FGF14: variants seen among roughly 807,000 people sequenced by gnomAD.
FGF14 encodes fibroblast growth factor 14.
In FGF14, 5 loss-of-function variants were observed where a neutral mutation model predicts 25.5. That is an observed-to-expected ratio of 0.20 (90% CI 0.10 to 0.41). The LOEUF (loss-of-function observed/expected upper bound fraction) is 0.41, where lower values mean the gene tolerates loss of function less well. Among genes scored for constraint, FGF14 ranks in the 10% least tolerant of loss-of-function variants. The probability of loss-of-function intolerance (pLI) is 1.00; values close to 1 mark genes in which losing one functional copy is unlikely to be tolerated. For missense variants in FGF14, 222 were observed against 320.1 expected (o/e 0.69, Z 2.34); for synonymous variants, 138 against 118.3 (o/e 1.17, Z -1.08).
intron 1 of FGF14, among the ~76,000 whole-genome samples, chr13:101,895,003 T>C (rs2030416177): frequency 6.6e-6 from 1 of 152,208 alleles, no homozygotes; most frequent in Admixed American, 6.5e-5. Flanking sequence ...TATTAGTTCA[T>C]CCAATATGGA....
chr13:102,121,011 G>C (rs1158992159), intron 1 of FGF14, among the ~76,000 whole-genome samples: 1 of 152,128 alleles, frequency 6.6e-6, no homozygotes, highest in Non-Finnish European at 1.5e-5. Context: ...GCCGAAAAGT[G>C]ATCTTTAAAT....
At chr13:102,296,873 A>AT (rs2141294455) in intron 1 of FGF14, among the ~76,000 whole-genome samples, 1 of 152,310 alleles carries the variant, frequency 6.6e-6, no homozygotes, top group East Asian at 1.9e-4. Context: ...TATCATGGAG[A>AT]TAACATAGCT....
chr13:101,884,466 A>C lies in FGF14; in HGVS notation c.194-9170T>G, dbSNP rs188185063. On this transcript the variant is annotated intron_variant, in intron 1 of 4. Coordinates refer to ENST00000376143, the MANE Select transcript of FGF14 (RefSeq NM_004115.4). ...GACAAATAAGTAGAGTGACACCAAG[A>C]TGGAACATAAATAAGGGCAGTGGTT... is the stretch of plus-strand genomic sequence containing the variant. Among the ~76,000 whole-genome samples, 10 of 152,290 alleles carry C rather than the reference A, an allele frequency of 6.6e-5. No homozygotes were observed. In the East Asian group the frequency reaches 1.9e-3, roughly 29 times the overall value.
intron 1 of FGF14, among the ~76,000 whole-genome samples, chr13:102,115,954 T>C (rs1477711831): frequency 2.0e-5 from 3 of 151,778 alleles, no homozygotes; most frequent in African/African-American, 4.8e-5. Flanking sequence ...CTACTAAAAA[T>C]ACAAAATTAG....
At chr13:102,086,700 ATTAGTT>A (rs2043924661) in intron 1 of FGF14, among the ~76,000 whole-genome samples, 1 of 152,218 alleles carries the variant, frequency 6.6e-6, no homozygotes. Context: ...TAGACAAAGA[ATTAGTT>A]TTTTCTTTCC....
rs1249404155 is a variant in FGF14 at position 102,014,115 on chromosome 13, G to T, written c.209-138819C>A. 3.3e-5 allele frequency among the ~76,000 whole-genome samples: 5 copies of T among 152,096 alleles called. No homozygotes were observed. In the East Asian group the frequency reaches 9.7e-4, roughly 30 times the overall value. Reference sequence around the variant, plus strand: ...TAAGGTCAAACAGGTAAATGATGAGGCCAAGACTTAAGCCACAGCAGCCTG... The same window carrying T: ...TAAGGTCAAACAGGTAAATGATGAGTCCAAGACTTAAGCCACAGCAGCCTG... On this transcript the variant is annotated intron_variant, in intron 1 of 4. Transcript: ENST00000376131.
chr13:101,954,680 C>T (rs953213211), intron 1 of FGF14, among the ~76,000 whole-genome samples: 12 of 150,918 alleles, frequency 8.0e-5, no homozygotes, highest in Non-Finnish European at 1.3e-4. Flanking sequence ...CGGCAGAAGA[C>T]AGTTCTGAAT....
intron 1 of FGF14, among the ~76,000 whole-genome samples, chr13:102,280,955 T>TA (rs1228718972): frequency 6.6e-6 from 1 of 152,192 alleles, no homozygotes; most frequent in Non-Finnish European, 1.5e-5. Context: ...AAGGGATAGA[T>TA]ACAATCTCTA....
intron 1 of FGF14, among the ~76,000 whole-genome samples, chr13:101,882,363 A>G (rs547641765): frequency 1.7e-4 from 26 of 150,654 alleles, no homozygotes; most frequent in East Asian, 3.9e-4. Context: ...ACATCTGTCG[A>G]AAAAAAAATG....
chr13:101,881,449 C>T (rs911167491), intron 1 of FGF14, among the ~76,000 whole-genome samples: 1 of 152,110 alleles, frequency 6.6e-6, no homozygotes, highest in Non-Finnish European at 1.5e-5. Flanking sequence ...GATAAAACAT[C>T]GTGTGCTTTG....
chr13:102,247,317 A>C (rs1487890596), intron 1 of FGF14, among the ~76,000 whole-genome samples: 2 of 152,160 alleles, frequency 1.3e-5, no homozygotes, highest in African/African-American at 2.4e-5. Flanking sequence ...GATGGGAGAA[A>C]ATATTTGCAA....
intron 1 of FGF14, among the ~76,000 whole-genome samples, chr13:102,360,419 G>A (rs769380293): frequency 6.6e-6 from 1 of 152,110 alleles, no homozygotes; most frequent in African/African-American, 2.4e-5. Flanking sequence ...GCAGCATCGT[G>A]ACTGAAAATT....
At chr13:102,018,623 C>G (rs536517108) in intron 1 of FGF14, among the ~76,000 whole-genome samples, 2 of 151,448 alleles carry the variant, frequency 1.3e-5, no homozygotes, top group African/African-American at 4.8e-5. Context: ...GCCCTGAGGT[C>G]TCTTCTTCTT....
At position 102,323,765 on chromosome 13, in the gene FGF14, G is replaced by C. The variant is rs1662503492; in HGVS notation, c.208+77706C>G. Among the ~76,000 whole-genome samples, 6 of 152,190 alleles carry C rather than the reference G, an allele frequency of 3.9e-5. No homozygotes were observed. The South Asian group carries it at 1.2e-3, about 32-fold the overall frequency. ...TTGGAATTAAGTTAACCTCCTAGTA[G>C]CAATAAAATCTCATACTCATAGGAG... On this transcript the variant is annotated intron_variant, in intron 1 of 4. Transcript: ENST00000376131.
intron 3 of FGF14, among the ~76,000 whole-genome samples, chr13:101,832,918 C>T (rs2042746328): frequency 6.6e-6 from 1 of 151,996 alleles, no homozygotes; most frequent in South Asian, 2.1e-4. Context: ...ACCAGGGTTG[C>T]CATTCTTCTG....
intron 1 of FGF14, among the ~76,000 whole-genome samples, chr13:102,211,312 C>T (rs1294154183): frequency 6.6e-6 from 1 of 152,016 alleles, no homozygotes; most frequent in Non-Finnish European, 1.5e-5. Context: ...GTGTGATTTA[C>T]CCCACTCTTA....
intron 3 of FGF14, among the ~76,000 whole-genome samples, chr13:101,838,429 C>G (rs753144488): frequency 1.3e-5 from 2 of 151,930 alleles, no homozygotes; most frequent in African/African-American, 2.4e-5. Flanking sequence ...TTGCTCCAGG[C>G]ACAGTGATTC....
At chr13:101,981,047 G>A (rs2038219418) in intron 1 of FGF14, among the ~76,000 whole-genome samples, 1 of 149,242 alleles carries the variant, frequency 6.7e-6, no homozygotes, top group African/African-American at 2.5e-5. Flanking sequence ...TTTCAGACCA[G>A]CCTGGGCAAC....
At chr13:101,912,085 T>C (rs1020886662) in intron 1 of FGF14, among the ~76,000 whole-genome samples, 1 of 151,998 alleles carries the variant, frequency 6.6e-6, no homozygotes, top group African/African-American at 2.4e-5. Flanking sequence ...TAGCACCTTG[T>C]AAGAAGGAAG....
Sources: allele counts gnomAD v4.1 joint callset (sites outside exome capture counted in the v4.1 genomes callset), GRCh38; gene constraint gnomAD v4.1.1; transcripts MANE v1.5; gene names NCBI Gene and HGNC (gene_info 2026-07-23, HGNC 2026-07-21).